The following FBXW8 variants were observed in gnomAD, a reference collection of about 807,000 sequenced individuals.
FBXW8 encodes F-box and WD repeat domain containing 8.
FBXW8 carries 57 observed loss-of-function variants against 65.3 expected under a neutral mutation model. The ratio of observed to expected loss-of-function variants is 0.87; its 90% CI spans 0.71 to 1.09. The LOEUF (loss-of-function observed/expected upper bound fraction) is 1.09, where lower values mean the gene tolerates loss of function less well. FBXW8 is among the 50% of genes least tolerant of loss of function. The probability of loss-of-function intolerance (pLI) is 0.00; values close to 1 mark genes in which losing one functional copy is unlikely to be tolerated. For missense variants in FBXW8, 777 were observed against 814.8 expected (o/e 0.95, Z 0.57); for synonymous variants, 308 against 330.2 (o/e 0.93, Z 0.73).
chr12:116,949,749 C>CT, intron 4 of FBXW8, 43 bp downstream of exon 4: 1 of 1,583,258 alleles, frequency 6.3e-7, no homozygotes. Context: ...ATCTGAAGGT[C>CT]TTTCATTTTT....
At chr12:116,960,770 C>G (rs1029999427) in intron 4 of FBXW8, among the ~76,000 whole-genome samples, 7 of 152,216 alleles carry the variant, frequency 4.6e-5, no homozygotes, top group African/African-American at 1.7e-4. Context: ...GGCTATGGCA[C>G]TGCGGTAGGG....
chr12:117,019,793 G>A (rs971148431), intron 8 of FBXW8, among the ~76,000 whole-genome samples: 6 of 152,154 alleles, frequency 3.9e-5, no homozygotes, highest in African/African-American at 1.4e-4. Context: ...GCAGCGTCCA[G>A]AATAAAACAC....
At position 116,911,066 on chromosome 12, in the gene FBXW8, G is replaced by T; in HGVS notation, c.29G>T (p.Arg10Leu). The T allele has an allele frequency of 6.9e-7, 1 of 1,454,032 alleles. No individual in the cohort carries two copies. Among genetic ancestry groups the T allele is most frequent in the Non-Finnish European group, 9.0e-7 (1 of 1,111,314 alleles). 90.1% of individuals were successfully genotyped at this position (1,454,032 alleles called of 1,614,324 possible). A position where few individuals can be genotyped will look rare whatever the true frequency, so the allele number is the denominator to read the frequency against. ...GACGACTACAGCCTGGATGAGTTCC[G>T]TCGGCGCTGGCAGGAGGAGCTGGCG... MDDYSLDEF[R>L]RRWQEELAQA... The change falls in exon 1 of 11, where the codon CGT becomes CTT. Residue 10 changes from arginine to leucine, a missense_variant. Coordinates refer to ENST00000652555, the MANE Select transcript of FBXW8 (RefSeq NM_153348.3).
In FBXW8 at chr12:117,024,190, C is replaced by T; in HGVS notation, c.1411C>T (p.Leu471Phe). The T allele has an allele frequency of 6.2e-7, 1 of 1,614,192 alleles. No individual in the cohort carries two copies. Among genetic ancestry groups the T allele is most frequent in the Non-Finnish European group, 8.5e-7 (1 of 1,180,034 alleles). The change falls in exon 9 of 11, where the codon CTC (leucine) becomes TTC (phenylalanine). Residue 471 changes from leucine (L) to phenylalanine (F), a missense_variant. Leu to Phe is a conservative substitution (Grantham distance 22). Coordinates refer to ENST00000652555, the MANE Select transcript of FBXW8 (RefSeq NM_153348.3). ...DLRSGNIALS[L>F]SAHQLRVSAV... is the part of the protein sequence containing the mutation. ...CCGCAGTGGTAACATCGCCCTGTCGCTCTCCGCCCATCAGCTCAGGGTCTC... is the reference window on the plus strand; with the variant it reads ...CCGCAGTGGTAACATCGCCCTGTCGTTCTCCGCCCATCAGCTCAGGGTCTC...
chr12:117,012,128 G>A (rs1295761559), intron 8 of FBXW8, among the ~76,000 whole-genome samples: 1 of 152,108 alleles, frequency 6.6e-6, no homozygotes, highest in East Asian at 1.9e-4. Context: ...AGGGCTGACT[G>A]TATACACTCA....
At chr12:117,009,292 C>T (rs1016318115) in intron 7 of FBXW8, among the ~76,000 whole-genome samples, 2 of 151,890 alleles carry the variant, frequency 1.3e-5, no homozygotes, top group African/African-American at 4.8e-5. Context: ...ACTCGGGAGG[C>T]TGAGTGGGAG....
chr12:117,014,491 G>A (rs1953900364), intron 8 of FBXW8, among the ~76,000 whole-genome samples: 1 of 152,186 alleles, frequency 6.6e-6, no homozygotes, highest in Non-Finnish European at 1.5e-5. Context: ...TTGGTTTGGG[G>A]TATGTCAAGT....
intron 10 of FBXW8, 99 bp from the exon 11 acceptor site, chr12:117,027,929 A>G (rs991204086): frequency 2.0e-6 from 3 of 1,503,682 alleles, no homozygotes; most frequent in Admixed American, 3.7e-5. Context: ...CTGAACCTCT[A>G]TCTGGTCTCA....
chr12:116,917,644 T>G (rs1880535958), intron 1 of FBXW8, among the ~76,000 whole-genome samples: 1 of 152,066 alleles, frequency 6.6e-6, no homozygotes. Flanking sequence ...TGCCTTGGAG[T>G]GTCATCTGGC....
At chr12:116,967,158 CCT>C (rs1491185815) in intron 5 of FBXW8, among the ~76,000 whole-genome samples, 1 of 150,484 alleles carries the variant, frequency 6.6e-6, no homozygotes, top group African/African-American at 2.5e-5. Context: ...CTTCTCTGCA[CCT>C]TTTTTTTTTT....
intron 5 of FBXW8, among the ~76,000 whole-genome samples, chr12:116,965,701 G>T (rs1231788778): frequency 6.6e-6 from 1 of 152,162 alleles, no homozygotes; most frequent in Non-Finnish European, 1.5e-5. Flanking sequence ...AGTAGCTAAT[G>T]GGGAATTTTA....
Position 116,997,366 on chromosome 12 carries a change from AG to A in FBXW8, c.1239+8501del, listed in dbSNP as rs1953401487. Among the ~76,000 whole-genome samples the A allele has an allele frequency of 5.9e-5, 9 of 152,332 alleles. No homozygotes were observed. In the South Asian group the frequency reaches 1.9e-3, roughly 32 times the overall value. ...TGATAAAGTTACAGAATGTAAATAT[AG>A]GGGAAAGTTCCTTTCAGCTATAGTC... On this transcript the variant is annotated intron_variant, in intron 7 of 10. Transcript: ENST00000652555.
Position 117,006,295 on chromosome 12 carries a change from A to G in FBXW8, c.1240-4028A>G, listed in dbSNP as rs112295704. ...CTCTTCACAGTGATTTCAGTATGCA[A>G]GTGGTTCATGATTAATTATGAGGGT... On this transcript the variant is annotated intron_variant, in intron 7 of 10. Coordinates refer to ENST00000652555, the MANE Select transcript of FBXW8 (RefSeq NM_153348.3). Among the ~76,000 whole-genome samples the G allele has an allele frequency of 3.2e-3, 485 of 152,330 alleles. 4 individuals carry two copies. The highest frequency in any genetic ancestry group is 0.011 in the African/African-American group (461 of 41,572).
rs59006120 is a variant in FBXW8 at position 116,916,911 on chromosome 12, T to TGTGTGAGAGA, written c.318+5557_318+5558insTGTGAGAGAG. On this transcript the variant is annotated intron_variant, in intron 1 of 10. Transcript: ENST00000652555. ...GTGCGTGTGTGTGTGTGTGTGTGTG[T>TGTGTGAGAGA]GAGAGAGAGAGAGAGAAAGAGGTGT... is the stretch of plus-strand genomic sequence containing the variant. Among the ~76,000 whole-genome samples, 131 of 145,720 alleles carry TGTGTGAGAGA rather than the reference T, an allele frequency of 9.0e-4. 2 individuals are homozygous for TGTGTGAGAGA. Among genetic ancestry groups the TGTGTGAGAGA allele is most frequent in the East Asian group, 2.2e-3 (11 of 4,918 alleles).
chr12:117,022,714 T>C (rs1954129720), intron 8 of FBXW8, among the ~76,000 whole-genome samples: 1 of 152,190 alleles, frequency 6.6e-6, no homozygotes, highest in African/African-American at 2.4e-5. Flanking sequence ...GGAGTTTGTT[T>C]TTCCAGGTCT....
At chr12:116,928,717 C>A (rs995221346) in intron 2 of FBXW8, among the ~76,000 whole-genome samples, 1 of 152,084 alleles carries the variant, frequency 6.6e-6, no homozygotes, top group Non-Finnish European at 1.5e-5. Flanking sequence ...TGGGAGATAT[C>A]ATTTAGGCCA....
intron 7 of FBXW8, among the ~76,000 whole-genome samples, chr12:116,995,748 G>A (rs1227644573): frequency 1.3e-5 from 2 of 152,148 alleles, no homozygotes; most frequent in Non-Finnish European, 2.9e-5. Context: ...ACTGCTAAGT[G>A]GTATATGATT....
chr12:117,025,104 T>A (rs1343981260), intron 9 of FBXW8, among the ~76,000 whole-genome samples: 2 of 152,166 alleles, frequency 1.3e-5, no homozygotes, highest in African/African-American at 4.8e-5. Flanking sequence ...TACCTGGCCC[T>A]GCAGGCCTCG....
chr12:116,926,589 C>A (rs1881340599), intron 1 of FBXW8, among the ~76,000 whole-genome samples: 1 of 152,114 alleles, frequency 6.6e-6, no homozygotes, highest in Non-Finnish European at 1.5e-5. Context: ...CAATGACTTT[C>A]CATTATTTTT....
Sources: allele counts gnomAD v4.1 joint callset (sites outside exome capture counted in the v4.1 genomes callset), GRCh38; gene constraint gnomAD v4.1.1; transcripts MANE v1.5; gene names NCBI Gene and HGNC (gene_info 2026-07-23, HGNC 2026-07-21).